DCC: variants seen among roughly 807,000 people sequenced by gnomAD.
DCC encodes the protein netrin receptor DCC.
DCC carries 58 observed loss-of-function variants against 172.5 expected under a neutral mutation model. That is an observed-to-expected ratio of 0.34 (90% CI 0.27 to 0.42). DCC has a LOEUF of 0.42. DCC is among the 10% of genes least tolerant of loss of function. The pLI, the probability that DCC is intolerant of heterozygous loss-of-function variation, is 1.00. For synonymous variants in DCC, 709 were observed against 644.5 expected, an observed-to-expected ratio of 1.10 and a Z score of -1.52; for missense variants, 1,740 against 1,791.0, an observed-to-expected ratio of 0.97 and a Z score of 0.51.
intron 3 of DCC, among the ~76,000 whole-genome samples, chr18:52,907,818 T>C (rs966127505): frequency 6.6e-6 from 1 of 152,214 alleles, no homozygotes; most frequent in Non-Finnish European, 1.5e-5. Flanking sequence ...TCCCAGAGCC[T>C]GGCCCATTAG....
intron 2 of DCC, among the ~76,000 whole-genome samples, chr18:52,866,085 G>T (rs1292410847): frequency 6.6e-6 from 1 of 152,126 alleles, no homozygotes; most frequent in Non-Finnish European, 1.5e-5. Flanking sequence ...TGTAAGGAAG[G>T]GGTCCAGTTT....
intron 1 of DCC, among the ~76,000 whole-genome samples, chr18:52,360,348 A>G (rs1241629192): frequency 6.6e-6 from 1 of 152,230 alleles, no homozygotes; most frequent in African/African-American, 2.4e-5. Flanking sequence ...AACATTCCAA[A>G]TACAGCTTTA....
intron 1 of DCC, among the ~76,000 whole-genome samples, chr18:52,455,270 T>C (rs1988424349): frequency 6.6e-6 from 1 of 152,162 alleles, no homozygotes; most frequent in Admixed American, 6.6e-5. Context: ...TCAAAAAGAA[T>C]TTATTTTCTC....
chr18:53,307,440 T>A (rs1331874623), intron 13 of DCC, among the ~76,000 whole-genome samples: 1 of 152,094 alleles, frequency 6.6e-6, no homozygotes, highest in Non-Finnish European at 1.5e-5. Context: ...GCTAAAAATA[T>A]TTTAGTATGG....
chr18:52,735,372 T>C (rs932171587), intron 1 of DCC, among the ~76,000 whole-genome samples: 1 of 152,122 alleles, frequency 6.6e-6, no homozygotes, highest in Admixed American at 6.6e-5. Flanking sequence ...CCAGATTATA[T>C]ATTTACATGA....
intron 5 of DCC, among the ~76,000 whole-genome samples, chr18:53,051,979 A>C (rs1369732489): frequency 6.6e-6 from 1 of 151,970 alleles, no homozygotes; most frequent in Non-Finnish European, 1.5e-5. Context: ...TTAATACTGC[A>C]TCATCTTTCT....
intron 1 of DCC, among the ~76,000 whole-genome samples, chr18:52,525,481 A>G (rs2031954726): frequency 6.6e-6 from 1 of 152,228 alleles, no homozygotes. Flanking sequence ...ATCTAGATAT[A>G]GTCATCCCCA....
chr18:53,496,521 G>A lies in DCC; in HGVS notation c.3899-2777G>A, dbSNP rs139995435. On this transcript the variant is annotated intron_variant, in intron 26 of 28. Transcript: ENST00000442544. ...AGATTAGGAGAAACCACTGCAAAAT[G>A]TCTGAAAATTCCAAAAACCAGAATG... Among the ~76,000 whole-genome samples, 695 of 152,322 alleles carry A rather than the reference G, an allele frequency of 4.6e-3. 11 individuals carry two copies. The highest frequency in any genetic ancestry group is 0.014 in the Middle Eastern group (4 of 294).
intron 1 of DCC, among the ~76,000 whole-genome samples, chr18:52,659,624 G>A (rs11877045): frequency 0.31 from 46,649 of 152,046 alleles, 7,739 homozygotes; most frequent in East Asian, 0.51. Flanking sequence ...GATGCCCTGA[G>A]CTTTGGAATG....
intron 23 of DCC, among the ~76,000 whole-genome samples, chr18:53,455,402 ACT>A (rs1323681061): frequency 6.6e-6 from 1 of 152,184 alleles, no homozygotes; most frequent in Non-Finnish European, 1.5e-5. Context: ...TAAAATGGAC[ACT>A]CAACCAATGT....
chr18:53,379,586 C>A (rs1156771086), intron 15 of DCC, among the ~76,000 whole-genome samples: 1 of 152,102 alleles, frequency 6.6e-6, no homozygotes, highest in African/African-American at 2.4e-5. Context: ...TCTCACCTAC[C>A]AAGTCTCAGG....
At chr18:53,434,082 A>G (rs757442466) in intron 21 of DCC, among the ~76,000 whole-genome samples, 1 of 152,186 alleles carries the variant, frequency 6.6e-6, no homozygotes, top group African/African-American at 2.4e-5. Flanking sequence ...AGTGTTTGTC[A>G]TGCAAAATAA....
At chr18:52,351,976 T>G (rs909203484) in intron 1 of DCC, among the ~76,000 whole-genome samples, 24 of 152,174 alleles carry the variant, frequency 1.6e-4, no homozygotes, top group Non-Finnish European at 2.8e-4. Context: ...AGCCCTGTGG[T>G]CTTTGGTCTC....
intron 5 of DCC, among the ~76,000 whole-genome samples, chr18:53,058,438 T>C (rs533247822): frequency 2.0e-5 from 3 of 152,230 alleles, no homozygotes; most frequent in South Asian, 2.1e-4. Context: ...TTTTTTAAAA[T>C]GGTACTTCCC....
At chr18:53,017,281 AAATAT>A (rs1467188228) in intron 5 of DCC, among the ~76,000 whole-genome samples, 3 of 152,144 alleles carry the variant, frequency 2.0e-5, no homozygotes, top group South Asian at 2.1e-4. Flanking sequence ...CATAACATGC[AAATAT>A]AATTTTACTT....
At chr18:53,244,507 CT>C (rs1202300580) in intron 12 of DCC, among the ~76,000 whole-genome samples, 2 of 152,110 alleles carry the variant, frequency 1.3e-5, no homozygotes, top group Admixed American at 6.6e-5. Flanking sequence ...CTGTGTGGTT[CT>C]TCTGCTTTAT....
intron 1 of DCC, among the ~76,000 whole-genome samples, chr18:52,745,560 A>G (rs2036894556): frequency 6.6e-6 from 1 of 152,224 alleles, no homozygotes; most frequent in African/African-American, 2.4e-5. Context: ...ATATTTTGTT[A>G]CATGTATACA....
chr18:52,551,969 G>C (rs542477028), intron 1 of DCC, among the ~76,000 whole-genome samples: 1 of 152,026 alleles, frequency 6.6e-6, no homozygotes, highest in South Asian at 2.1e-4. Context: ...TTTGGTGTGG[G>C]GGGTATTGAT....
intron 14 of DCC, among the ~76,000 whole-genome samples, chr18:53,329,030 G>T (rs1406742838): frequency 6.6e-6 from 1 of 152,102 alleles, no homozygotes. Flanking sequence ...CATCTTAAAA[G>T]CCCATCATCT....
Sources: gnomAD v4.1 joint callset for allele counts (sites outside exome capture counted in the v4.1 genomes callset) on GRCh38, gnomAD v4.1.1 for gene constraint, MANE v1.5 for transcripts, NCBI Gene and HGNC (gene_info 2026-07-23, HGNC 2026-07-21) for gene names.